Variants in PASD1 observed in about 807,000 individuals in gnomAD.
The protein encoded by PASD1 is circadian clock protein PASD1.
Under a neutral mutation model 58.8 loss-of-function variants are expected in PASD1, and 13 were observed. The ratio of observed to expected loss-of-function variants is 0.22; its 90% CI spans 0.14 to 0.35. The LOEUF is 0.35. PASD1 is among the 10% of genes least tolerant of loss of function. The probability of loss-of-function intolerance (pLI) is 1.00; values close to 1 mark genes in which losing one functional copy is unlikely to be tolerated. For missense variants in PASD1, 734 were observed against 568.3 expected (o/e 1.29, Z -2.96); for synonymous variants, 236 against 216.7 (o/e 1.09, Z -0.78).
chrX:151,584,606 A>C (rs189922081), intron 1 of PASD1, among the ~76,000 whole-genome samples: 29 of 111,822 alleles, frequency 2.6e-4, no homozygotes, highest in Non-Finnish European at 4.3e-4. Flanking sequence ...AGATAGTGTG[A>C]GACAGCACTT....
At chrX:151,633,860 A>C (rs1334710547) in intron 8 of PASD1, among the ~76,000 whole-genome samples, 3 of 112,208 alleles carry the variant, frequency 2.7e-5, no homozygotes. Context: ...ATATTTGCCT[A>C]TTTTATGAAA....
chrX:151,673,890 C>T, intron 14 of PASD1, 38 bp from the exon 15 acceptor site: 1 of 1,205,616 alleles, frequency 8.3e-7, no homozygotes, highest in Non-Finnish European at 1.1e-6. Context: ...TTATCATGTC[C>T]AGATCCACAT....
At chrX:151,633,317 C>A (rs62609293) in intron 8 of PASD1, among the ~76,000 whole-genome samples, 1 of 110,235 alleles carries the variant, frequency 9.1e-6, no homozygotes, top group Non-Finnish European at 1.9e-5. Context: ...GCTCCGACAC[C>A]CACCAGACAG....
At chrX:151,636,059 G>C (rs1460413458) in intron 8 of PASD1, among the ~76,000 whole-genome samples, 1 of 110,618 alleles carries the variant, frequency 9.0e-6, no homozygotes, top group African/African-American at 3.3e-5. Flanking sequence ...CACACTAGAA[G>C]CCTTCTTTGT....
intron 9 of PASD1, among the ~76,000 whole-genome samples, chrX:151,652,895 T>TAAGG (rs149976739): frequency 0.21 from 22,721 of 110,244 alleles, 1,925 homozygotes; most frequent in Non-Finnish European, 0.26. Flanking sequence ...TCAGGTTGAG[T>TAAGG]AAGGCTTTGG....
At chrX:151,577,382 G>A (rs2013022725) in intron 1 of PASD1, among the ~76,000 whole-genome samples, 1 of 112,030 alleles carries the variant, frequency 8.9e-6, no homozygotes, top group Admixed American at 9.5e-5. Context: ...TTATTTCAAT[G>A]GCAGGGATTA....
At chrX:151,645,496 T>A (rs2014049203) in intron 8 of PASD1, among the ~76,000 whole-genome samples, 1 of 111,925 alleles carries the variant, frequency 8.9e-6, no homozygotes, top group South Asian at 3.7e-4. Flanking sequence ...ACTTTACCAA[T>A]GGATATCAAA....
intron 1 of PASD1, among the ~76,000 whole-genome samples, chrX:151,565,730 T>C (rs2012830853): frequency 9.1e-6 from 1 of 110,085 alleles, no homozygotes; most frequent in African/African-American, 3.3e-5. Context: ...GCTAATTTTT[T>C]TGTATTTTTA....
chrX:151,610,665 C>T (rs1361975118), intron 3 of PASD1, among the ~76,000 whole-genome samples: 2 of 111,173 alleles, frequency 1.8e-5, no homozygotes, highest in Non-Finnish European at 3.8e-5. Context: ...TAAAATAATT[C>T]TCTAGATGTG....
At chrX:151,607,934 G>A (rs1053701507) in intron 3 of PASD1, among the ~76,000 whole-genome samples, 1 of 111,612 alleles carries the variant, frequency 9.0e-6, no homozygotes, top group East Asian at 2.8e-4. Flanking sequence ...TTGAGGAGGC[G>A]CATAAACTGA....
chrX:151,654,881 T>C (rs1182712971), intron 9 of PASD1, among the ~76,000 whole-genome samples: 2 of 110,939 alleles, frequency 1.8e-5, no homozygotes, highest in East Asian at 5.7e-4. Flanking sequence ...TACTTTACGT[T>C]CTAGGGTACA....
In PASD1 at chrX:151,621,571, A is replaced by C. The variant is rs370121828; in HGVS notation, c.397A>C (p.Asn133His). The C allele has an allele frequency of 5.9e-6, 7 of 1,191,927 alleles. No individual in the cohort carries two copies. Among genetic ancestry groups the C allele is most frequent in the Non-Finnish European group, 6.8e-6 (6 of 881,982 alleles). The part of the protein sequence containing the change: ...SAYENVKFIV[N>H]VRDICNEFPV... ...TTACGAAAACGTGAAATTTATTGTG[A>C]ATGTAAGAGATATTTGTAATGGTAA... Residue 133 changes from asparagine to histidine, a missense_variant, in exon 6 of 16, where the codon AAT becomes CAT. Physicochemically the swap from Asn to His is moderately conservative, Grantham distance 68 (BLOSUM62 1). Transcript: ENST00000370357.
intron 8 of PASD1, among the ~76,000 whole-genome samples, chrX:151,638,573 T>G (rs2013960778): frequency 8.9e-6 from 1 of 111,951 alleles, no homozygotes; most frequent in Non-Finnish European, 1.9e-5. Flanking sequence ...TTGAGAATTC[T>G]TTATGCATTC....
Position 151,572,708 on chromosome X carries a change from A to G in PASD1, c.-28+8869A>G, listed in dbSNP as rs192586349. On this transcript the variant is annotated intron_variant, in intron 1 of 15. Transcript: ENST00000370357. ...ACTGGAGACAGAGAAAAACTTACCT[A>G]TCAAATTCTTAATTAAATGATTCAT... 2.7e-5 allele frequency among the ~76,000 whole-genome samples: 3 copies of G among 110,479 alleles called. No individual in the cohort carries two copies. The Admixed American group carries it at 2.9e-4, about 11-fold the overall frequency.
intron 1 of PASD1, among the ~76,000 whole-genome samples, chrX:151,565,558 C>CTTTTTTTTTTTTTTTTTTTT (rs745371329): frequency 1.2e-5 from 1 of 84,129 alleles, no homozygotes; most frequent in African/African-American, 4.7e-5. Context: ...TTTTTCCTTA[C>CTTTTTTTTTTTTTTTTTTTT]TTTTTTTTTT....
chrX:151,569,180 C>A (rs12156739), intron 1 of PASD1, among the ~76,000 whole-genome samples: 1 of 112,075 alleles, frequency 8.9e-6, no homozygotes. Flanking sequence ...TAATAGTTTC[C>A]TAGTAGAAAG....
At chrX:151,611,907 T>A (rs1167149954) in intron 4 of PASD1, among the ~76,000 whole-genome samples, 154 bp downstream of exon 4, 3 of 109,016 alleles carry the variant, frequency 2.8e-5, no homozygotes, top group Non-Finnish European at 3.8e-5. Flanking sequence ...CATGTTGGTG[T>A]GCTGCACCCA....
At chrX:151,595,590 T>C (rs1471441185) in intron 1 of PASD1, among the ~76,000 whole-genome samples, 1 of 108,557 alleles carries the variant, frequency 9.2e-6, no homozygotes, top group Non-Finnish European at 1.9e-5. Context: ...CCCGGCGTTG[T>C]GGCAGGCCCC....
chrX:151,582,835 C>T (rs865875531), intron 1 of PASD1, among the ~76,000 whole-genome samples: 1 of 96,001 alleles, frequency 1.0e-5, no homozygotes, highest in African/African-American at 3.7e-5. Context: ...ATTTTTTTTT[C>T]AACGAACAAC....
Sources: allele counts gnomAD v4.1 joint callset (sites outside exome capture counted in the v4.1 genomes callset), GRCh38; gene constraint gnomAD v4.1.1; transcripts MANE v1.5; gene names NCBI Gene and HGNC (gene_info 2026-07-23, HGNC 2026-07-21).